LARP1B: variants seen among roughly 807,000 people sequenced by gnomAD.
The protein encoded by LARP1B is la-related protein 1B.
A neutral mutation model predicts 114.2 loss-of-function variants in LARP1B; 76 were observed. The ratio of observed to expected loss-of-function variants is 0.67; its 90% CI spans 0.55 to 0.81. The LOEUF is 0.81. Ranked by LOEUF, LARP1B falls within the 30% of genes least tolerant of loss-of-function variation. The probability of loss-of-function intolerance (pLI) is 0.00; values close to 1 mark genes in which losing one functional copy is unlikely to be tolerated. For synonymous variants in LARP1B, 345 were observed against 348.0 expected (o/e 0.99, Z 0.10); for missense variants, 1,014 against 1,075.8 (o/e 0.94, Z 0.80).
At chr4:128,209,832 G>A (rs760269931) in intron 19 of LARP1B, 24 bp from the exon 20 acceptor site, 2 of 1,590,626 alleles carry the variant, frequency 1.3e-6, no homozygotes, top group African/African-American at 1.3e-5. Flanking sequence ...AATTGTCAAC[G>A]GTGTTGCCTT....
intron 12 of LARP1B, among the ~76,000 whole-genome samples, chr4:128,167,650 T>C (rs1441014732): frequency 6.6e-6 from 1 of 152,078 alleles, no homozygotes; most frequent in East Asian, 1.9e-4. Flanking sequence ...AGATATAGTT[T>C]ACATTCAGTA....
In LARP1B at chr4:128,207,359, G is replaced by A; in HGVS notation, c.2523G>A (p.Lys841=). ...PKLQEYLCSF[K]RLEDFRVDPP... is the part of the protein sequence containing the mutation. ...TTCAGGAATACCTCTGTAGTTTTAA[G>A]AGGTTAGAAGACTTCCGTGTTGATG... The change falls in exon 19 of 20, where the codon AAG becomes AAA. Residue 841 remains lysine (K), a synonymous_variant. Transcript: ENST00000326639. 1 of 1,533,878 alleles carries A rather than the reference G, an allele frequency of 6.5e-7. No homozygotes were observed. The highest frequency in any genetic ancestry group is 8.8e-7 in the Non-Finnish European group (1 of 1,140,682).
At chr4:128,066,578 C>T (rs1016196332) in intron 1 of LARP1B, among the ~76,000 whole-genome samples, 14 of 151,548 alleles carry the variant, frequency 9.2e-5, no homozygotes, top group Non-Finnish European at 1.6e-4. Flanking sequence ...CCTGGGTTCC[C>T]CCGATTCTCC....
chr4:128,104,272 T>C (rs1781328322), intron 8 of LARP1B, among the ~76,000 whole-genome samples: 1 of 152,152 alleles, frequency 6.6e-6, no homozygotes, highest in Admixed American at 6.6e-5. Context: ...AAGAGGCCTC[T>C]CTCCTGTTTT....
At chr4:128,133,999 ATTT>A (rs71587365) in intron 11 of LARP1B, among the ~76,000 whole-genome samples, 2 of 139,084 alleles carry the variant, frequency 1.4e-5, no homozygotes, top group Admixed American at 1.5e-4. Flanking sequence ...GCCCAGCCCA[ATTT>A]TTTTTTTTTT....
chr4:128,204,257 T>G (rs1256635176), intron 17 of LARP1B, among the ~76,000 whole-genome samples: 1 of 151,628 alleles, frequency 6.6e-6, no homozygotes, highest in Non-Finnish European at 1.5e-5. Context: ...ATTCTGGTTT[T>G]GGGTACAAAA....
At chr4:128,212,749 G>C (rs1759158210), downstream of LARP1B, among the ~76,000 whole-genome samples, 1 of 152,076 alleles carries the variant, frequency 6.6e-6, no homozygotes, top group African/African-American at 2.4e-5. Context: ...AGAACTCCTA[G>C]AAGTTGGAAC....
chr4:128,071,017 TTTTA>T (rs1328852391), intron 1 of LARP1B, among the ~76,000 whole-genome samples: 9 of 152,080 alleles, frequency 5.9e-5, no homozygotes, highest in East Asian at 3.9e-4. Context: ...ATGAGTCACT[TTTTA>T]TTTATTTATT....
At chr4:128,126,721 C>G (rs1789742365) in intron 11 of LARP1B, among the ~76,000 whole-genome samples, 1 of 151,276 alleles carries the variant, frequency 6.6e-6, no homozygotes, top group Non-Finnish European at 1.5e-5. Flanking sequence ...GAATGATTTT[C>G]TACAGTCTTT....
intron 11 of LARP1B, among the ~76,000 whole-genome samples, chr4:128,158,753 T>A (rs1457163582): frequency 1.3e-5 from 2 of 152,184 alleles, no homozygotes; most frequent in African/African-American, 4.8e-5. Flanking sequence ...TTTTTCTGAA[T>A]ATTTATTTTG....
At chr4:128,185,894 T>C (rs55720227) in intron 15 of LARP1B, among the ~76,000 whole-genome samples, 87,605 of 152,040 alleles carry the variant, frequency 0.58, 26,408 homozygotes, top group Middle Eastern at 0.78. Context: ...TTTTGCATTA[T>C]GGTTATCTAG....
At chr4:128,203,203 A>G (rs565185660) in intron 17 of LARP1B, among the ~76,000 whole-genome samples, 146 of 152,226 alleles carry the variant, frequency 9.6e-4, no homozygotes, top group Admixed American at 1.8e-3. Flanking sequence ...ACAAAAAAAA[A>G]GGTTAAATTG....
chr4:128,183,490 T>C (rs1749266614), intron 15 of LARP1B, among the ~76,000 whole-genome samples: 1 of 152,196 alleles, frequency 6.6e-6, no homozygotes, highest in Non-Finnish European at 1.5e-5. Flanking sequence ...TGTTAAGACC[T>C]ACTATTTAGA....
chr4:128,115,032 G>T (rs1009963949), intron 10 of LARP1B, among the ~76,000 whole-genome samples: 1 of 151,942 alleles, frequency 6.6e-6, no homozygotes, highest in Non-Finnish European at 1.5e-5. Context: ...CTGCCTCCCA[G>T]GTTCAAGCGA....
At chr4:128,122,375 A>G in intron 11 of LARP1B, 187 bp downstream of exon 11, 1 of 1,463,048 alleles carries the variant, frequency 6.8e-7, no homozygotes, top group Non-Finnish European at 9.0e-7. Flanking sequence ...ATTTTATGAA[A>G]GTAACAGCGT....
chr4:128,082,749 T>C (rs920390845), intron 5 of LARP1B, among the ~76,000 whole-genome samples: 1 of 152,028 alleles, frequency 6.6e-6, no homozygotes, highest in Admixed American at 6.6e-5. Flanking sequence ...TATGATTGGA[T>C]TGGGGTTGTG....
chr4:128,128,891 G>A lies in LARP1B; in HGVS notation c.1524+6703G>A, dbSNP rs946957681. On this transcript the variant is annotated intron_variant, in intron 11 of 19. Coordinates refer to ENST00000326639, the MANE Select transcript of LARP1B (RefSeq NM_018078.4). ...CTGATGAAAGAAAAAGGGGCTGGGC[G>A]CAGTGGCTCACGCCTGTAATCCCAG... Among the ~76,000 whole-genome samples the A allele has an allele frequency of 5.3e-5, 8 of 152,082 alleles. No individual in the cohort carries two copies. In the East Asian group the frequency reaches 7.7e-4, roughly 15 times the overall value.
intron 1 of LARP1B, among the ~76,000 whole-genome samples, chr4:128,067,710 C>CTTTTT (rs66709998): frequency 2.1e-5 from 3 of 145,108 alleles, no homozygotes; most frequent in Non-Finnish European, 1.5e-5. Flanking sequence ...TGGATACCTC[C>CTTTTT]TTTTTTTTTT....
At chr4:128,202,260 T>G (rs1756201443) in intron 17 of LARP1B, among the ~76,000 whole-genome samples, 1 of 152,212 alleles carries the variant, frequency 6.6e-6, no homozygotes, top group African/African-American at 2.4e-5. Flanking sequence ...AATTTGCCAT[T>G]CCTAATCTCA....
Sources: gnomAD v4.1 joint callset for allele counts (sites outside exome capture counted in the v4.1 genomes callset) on GRCh38, gnomAD v4.1.1 for gene constraint, MANE v1.5 for transcripts, NCBI Gene and HGNC (gene_info 2026-07-23, HGNC 2026-07-21) for gene names.